The following LAMA4 variants were observed in gnomAD, a reference collection of about 807,000 sequenced individuals.
The protein encoded by LAMA4 is laminin subunit alpha-4.
In LAMA4, 127 loss-of-function variants were observed where a neutral mutation model predicts 207.1. That is an observed-to-expected ratio of 0.61 (90% CI 0.53 to 0.71). The LOEUF is 0.71. Ranked by LOEUF, LAMA4 falls within the 30% of genes least tolerant of loss-of-function variation. The pLI is 0.00. For synonymous variants in LAMA4, 761 were observed against 816.0 expected (o/e 0.93, Z 1.15); for missense variants, 2,093 against 2,246.5 (o/e 0.93, Z 1.38).
intron 4 of LAMA4, among the ~76,000 whole-genome samples, chr6:112,206,803 C>T (rs965125900): frequency 2.0e-5 from 3 of 152,148 alleles, no homozygotes; most frequent in Non-Finnish European, 2.9e-5. Flanking sequence ...CCCAATATTT[C>T]GGGAACACAG....
intron 38 of LAMA4, among the ~76,000 whole-genome samples, chr6:112,111,950 T>C (rs1241426183): frequency 2.0e-5 from 3 of 152,156 alleles, no homozygotes; most frequent in Admixed American, 2.0e-4. Flanking sequence ...GTAAGTACGT[T>C]GGGTGGCATA....
chr6:112,241,064 A>G (rs1465412264), intron 2 of LAMA4, among the ~76,000 whole-genome samples: 2 of 146,482 alleles, frequency 1.4e-5, no homozygotes, highest in South Asian at 4.3e-4. Flanking sequence ...GACTCTATTG[A>G]AAAACCAATG....
chr6:112,163,523 G>A (rs1360969908), intron 13 of LAMA4, among the ~76,000 whole-genome samples: 2 of 152,084 alleles, frequency 1.3e-5, no homozygotes, highest in Non-Finnish European at 2.9e-5. Context: ...GCCACCTGGT[G>A]TTTAGAGGAG....
chr6:112,195,930 G>A (rs1554350333), intron 5 of LAMA4, among the ~76,000 whole-genome samples: 1 of 136,718 alleles, frequency 7.3e-6, no homozygotes, highest in African/African-American at 2.8e-5. Context: ...CTTTTTAAAT[G>A]AACTAAGTAC....
At chr6:112,146,204 C>T (rs782503227) in intron 18 of LAMA4, among the ~76,000 whole-genome samples, 7 of 152,056 alleles carry the variant, frequency 4.6e-5, no homozygotes, top group Admixed American at 1.3e-4. Context: ...GCGGGAGAAT[C>T]GCTTGAACCC....
At chr6:112,236,243 C>G (rs966057058) in intron 2 of LAMA4, 2 of 152,226 alleles carry the variant, frequency 1.3e-5, no homozygotes, top group Non-Finnish European at 2.9e-5. Context: ...TTTCCAGGCT[C>G]TTCACATTCT....
chr6:112,165,949 G>C (rs1339872464), intron 12 of LAMA4, among the ~76,000 whole-genome samples: 1 of 152,160 alleles, frequency 6.6e-6, no homozygotes, highest in Non-Finnish European at 1.5e-5. Context: ...ATATTATGGG[G>C]CTTCCAATGA....
chr6:112,228,922 G>C (rs992481388), intron 2 of LAMA4, among the ~76,000 whole-genome samples: 16 of 152,150 alleles, frequency 1.1e-4, no homozygotes, highest in African/African-American at 3.4e-4. Context: ...TGCTCAAGCA[G>C]TGGTAGGAAA....
At chr6:112,200,773 A>G (rs1018939368) in intron 5 of LAMA4, among the ~76,000 whole-genome samples, 2 of 152,186 alleles carry the variant, frequency 1.3e-5, no homozygotes, top group Non-Finnish European at 2.9e-5. Context: ...TTAACAAACT[A>G]ACACAGGAAC....
chr6:112,143,926 C>A (rs1465985159), intron 19 of LAMA4, among the ~76,000 whole-genome samples: 1 of 152,152 alleles, frequency 6.6e-6, no homozygotes, highest in African/African-American at 2.4e-5. Context: ...GACCATTTAT[C>A]ATCATTTAAA....
At chr6:112,203,956 A>G (rs1783909967) in intron 4 of LAMA4, among the ~76,000 whole-genome samples, 1 of 152,202 alleles carries the variant, frequency 6.6e-6, no homozygotes, top group Non-Finnish European at 1.5e-5. Flanking sequence ...ATGGGCAGAC[A>G]TGGTGCCTTG....
At chr6:112,242,953 G>A (rs1370821528) in intron 2 of LAMA4, among the ~76,000 whole-genome samples, 2 of 152,132 alleles carry the variant, frequency 1.3e-5, no homozygotes, top group South Asian at 2.1e-4. Flanking sequence ...CTGCCATTTG[G>A]CACTGAACTG....
intron 2 of LAMA4, among the ~76,000 whole-genome samples, chr6:112,227,664 A>G (rs1785298555): frequency 6.6e-6 from 1 of 152,248 alleles, no homozygotes; most frequent in South Asian, 2.1e-4. Context: ...GTTTAAAAAT[A>G]AGCAAAATAA....
rs558405479 is a variant in LAMA4 at position 112,134,880 on chromosome 6, C to T, written c.3415-271G>A. ...AATTTTGCGATTAGACCTATTGTTTCCTCCTGCTCCTTCTGAGAGGATTCA... is the reference window on the plus strand; with the variant it reads ...AATTTTGCGATTAGACCTATTGTTTTCTCCTGCTCCTTCTGAGAGGATTCA... On this transcript the variant is annotated intron_variant, in intron 25 of 38. Coordinates refer to ENST00000230538, the MANE Select transcript of LAMA4 (RefSeq NM_001105206.3). Among the ~76,000 whole-genome samples the T allele has an allele frequency of 2.0e-5, 3 of 151,956 alleles. No homozygotes were observed. The South Asian group carries it at 6.3e-4, about 32-fold the overall frequency.
intron 2 of LAMA4, among the ~76,000 whole-genome samples, chr6:112,241,439 T>G (rs1554187753): frequency 6.6e-6 from 1 of 151,822 alleles, no homozygotes; most frequent in East Asian, 1.9e-4. Flanking sequence ...AAACCTTTAT[T>G]AGCTGGGGTA....
Position 112,172,735 on chromosome 6 carries a change from T to A in LAMA4, c.1427A>T (p.Glu476Val). 6.2e-7 allele frequency: 1 copy of A among 1,613,992 alleles called. No homozygotes were observed. Among genetic ancestry groups the A allele is most frequent in the Non-Finnish European group, 8.5e-7 (1 of 1,179,936 alleles). ...CTTAGCATTGTAGTCATCCAGCTGC[T>A]CCAGGACGACAGGAAACAGAGTGCG... ...ETRTLFPVVL[E>V]QLDDYNAKLS... Residue 476 changes from glutamate to valine, a missense_variant, in exon 12 of 39, where the codon GAG becomes GTG. Physicochemically the swap from Glu to Val is moderately radical, Grantham distance 121. Coordinates refer to ENST00000230538, the MANE Select transcript of LAMA4 (RefSeq NM_001105206.3).
At chr6:112,216,228 G>C in intron 3 of LAMA4, 140 bp downstream of exon 3, 1 of 710,232 alleles carries the variant, frequency 1.4e-6, no homozygotes, top group Non-Finnish European at 2.6e-6. Flanking sequence ...TTGTTTCACA[G>C]GAAAAGCTGA....
intron 31 of LAMA4, among the ~76,000 whole-genome samples, chr6:112,123,102 T>C (rs1778458099): frequency 6.6e-6 from 1 of 152,140 alleles, no homozygotes; most frequent in Non-Finnish European, 1.5e-5. Context: ...GGAAGTTTTG[T>C]TTTTTAGGTG....
chr6:112,167,553 T>C (rs1781450179), intron 12 of LAMA4, among the ~76,000 whole-genome samples: 1 of 152,180 alleles, frequency 6.6e-6, no homozygotes, highest in Non-Finnish European at 1.5e-5. Flanking sequence ...TAAAATTTCA[T>C]GATATTTTGC....
Sources: gnomAD v4.1 joint callset for allele counts (sites outside exome capture counted in the v4.1 genomes callset) on GRCh38, gnomAD v4.1.1 for gene constraint, MANE v1.5 for transcripts, NCBI Gene and HGNC (gene_info 2026-07-23, HGNC 2026-07-21) for gene names.